Variants in CDH18 observed in about 807,000 individuals in gnomAD.
CDH18 encodes cadherin 18.
Under a neutral mutation model 67.9 loss-of-function variants are expected in CDH18, and 31 were observed. The ratio of observed to expected loss-of-function variants is 0.46; its 90% CI spans 0.34 to 0.62. The LOEUF is 0.62. CDH18 is among the 20% of genes least tolerant of loss of function. The pLI is 0.01. For synonymous variants in CDH18, 362 were observed against 347.2 expected (o/e 1.04, Z -0.48); for missense variants, 890 against 975.5 (o/e 0.91, Z 1.17).
At chr5:20,399,883 C>G (rs998255679) in intron 1 of CDH18, among the ~76,000 whole-genome samples, 2 of 152,188 alleles carry the variant, frequency 1.3e-5, no homozygotes, top group African/African-American at 2.4e-5. Flanking sequence ...CACCAGTATG[C>G]TGAAGAGCAG....
intron 2 of CDH18, among the ~76,000 whole-genome samples, chr5:20,148,280 A>G (rs184373761): frequency 0.011 from 1,660 of 149,622 alleles, 15 homozygotes; most frequent in Middle Eastern, 0.014. Flanking sequence ...TTTATTTTTA[A>G]TAGAGACAGG....
chr5:20,497,089 T>C (rs1753955635), intron 1 of CDH18, among the ~76,000 whole-genome samples: 1 of 151,804 alleles, frequency 6.6e-6, no homozygotes, highest in South Asian at 2.1e-4. Flanking sequence ...TCAAAAGGAA[T>C]AGCCAAGCAA....
At chr5:19,832,220 G>C (rs1781121067) in intron 3 of CDH18, among the ~76,000 whole-genome samples, 1 of 151,976 alleles carries the variant, frequency 6.6e-6, no homozygotes, top group East Asian at 1.9e-4. Context: ...ATATATACAT[G>C]TAACAAAAAT....
chr5:20,093,220 C>A (rs991445124), intron 2 of CDH18, among the ~76,000 whole-genome samples: 4 of 152,072 alleles, frequency 2.6e-5, no homozygotes, highest in Admixed American at 1.3e-4. Flanking sequence ...CACACATACA[C>A]ACACACATAA....
At chr5:19,552,015 T>C (rs1231205497) in intron 8 of CDH18, among the ~76,000 whole-genome samples, 2 of 152,150 alleles carry the variant, frequency 1.3e-5, no homozygotes, top group Non-Finnish European at 2.9e-5. Flanking sequence ...TGGAGACTGA[T>C]AATATTTCAT....
At chr5:20,145,132 GA>G (rs757721249) in intron 2 of CDH18, among the ~76,000 whole-genome samples, 1 of 151,362 alleles carries the variant, frequency 6.6e-6, no homozygotes, top group African/African-American at 2.4e-5. Flanking sequence ...GACAAAACAA[GA>G]AAAAAATCTA....
chr5:20,095,497 G>A (rs1230150938), intron 2 of CDH18, among the ~76,000 whole-genome samples: 1 of 138,740 alleles, frequency 7.2e-6, no homozygotes, highest in Admixed American at 7.3e-5. Flanking sequence ...GAGGGAGGGA[G>A]GGAGGGAGGG....
At chr5:20,551,669 A>G (rs1480799286) in intron 1 of CDH18, among the ~76,000 whole-genome samples, 1 of 152,162 alleles carries the variant, frequency 6.6e-6, no homozygotes, top group Non-Finnish European at 1.5e-5. Context: ...AAGACTAGTT[A>G]TTATTTCTTT....
At chr5:19,879,111 C>T (rs1420600671) in intron 2 of CDH18, among the ~76,000 whole-genome samples, 3 of 151,902 alleles carry the variant, frequency 2.0e-5, no homozygotes, top group African/African-American at 4.8e-5. Context: ...GCTTTCTAAG[C>T]TTTCTTCAGC....
chr5:20,243,086 AT>A (rs1335808525), intron 2 of CDH18, among the ~76,000 whole-genome samples: 1 of 152,142 alleles, frequency 6.6e-6, no homozygotes, highest in Admixed American at 6.5e-5. Flanking sequence ...GGCTCAGGGA[AT>A]CAGTGTATCA....
chr5:20,514,900 A>C (rs1755265910), intron 1 of CDH18, among the ~76,000 whole-genome samples: 1 of 152,136 alleles, frequency 6.6e-6, no homozygotes, highest in Non-Finnish European at 1.5e-5. Context: ...TTAGCAGGAT[A>C]CTGTTTTTCT....
intron 2 of CDH18, among the ~76,000 whole-genome samples, chr5:20,059,185 T>C (rs1296760516): frequency 1.3e-5 from 2 of 152,188 alleles, no homozygotes; most frequent in Non-Finnish European, 2.9e-5. Context: ...ATCCCCTTTA[T>C]CGTTTTTTAT....
chr5:20,286,195 T>C (rs1490179762), intron 1 of CDH18, among the ~76,000 whole-genome samples: 2 of 151,570 alleles, frequency 1.3e-5, no homozygotes, highest in Non-Finnish European at 3.0e-5. Context: ...TTTTAATATA[T>C]TCCTTTCTAA....
intron 2 of CDH18, among the ~76,000 whole-genome samples, chr5:20,205,527 A>G (rs1739812189): frequency 2.0e-5 from 3 of 151,902 alleles, no homozygotes; most frequent in African/African-American, 7.2e-5. Flanking sequence ...ACTAGACCAA[A>G]GAGGTCTAGT....
intron 2 of CDH18, among the ~76,000 whole-genome samples, chr5:20,173,346 A>C (rs1443394139): frequency 1.3e-5 from 2 of 152,314 alleles, no homozygotes; most frequent in South Asian, 2.1e-4. Context: ...AGTCCCAGTA[A>C]GTGATCTTGA....
chr5:19,759,757 G>C (rs543785470), intron 3 of CDH18, among the ~76,000 whole-genome samples: 1 of 152,216 alleles, frequency 6.6e-6, no homozygotes, highest in South Asian at 2.1e-4. Flanking sequence ...CTTGGGGAAG[G>C]AGGGGAAAAA....
At chr5:19,688,974 A>G (rs1183122727) in intron 5 of CDH18, among the ~76,000 whole-genome samples, 1 of 152,094 alleles carries the variant, frequency 6.6e-6, no homozygotes, top group African/African-American at 2.4e-5. Context: ...CAGTTTTTGA[A>G]ATAACCCAGT....
At chr5:20,512,400 T>C (rs938612827) in intron 1 of CDH18, among the ~76,000 whole-genome samples, 5 of 152,140 alleles carry the variant, frequency 3.3e-5, no homozygotes, top group African/African-American at 1.2e-4. Context: ...CATGATTGAG[T>C]TTGACATGAT....
intron 8 of CDH18, among the ~76,000 whole-genome samples, chr5:19,563,008 A>G (rs900386140): frequency 6.6e-5 from 10 of 152,192 alleles, no homozygotes; most frequent in African/African-American, 2.4e-4. Flanking sequence ...AAAGTTAAAA[A>G]AAGACTTGCC....
Sources: gnomAD v4.1 joint callset for allele counts (sites outside exome capture counted in the v4.1 genomes callset) on GRCh38, gnomAD v4.1.1 for gene constraint, MANE v1.5 for transcripts, NCBI Gene and HGNC (gene_info 2026-07-23, HGNC 2026-07-21) for gene names.